The following CMSS1 variants were observed in gnomAD, a reference collection of about 807,000 sequenced individuals.
CMSS1 encodes the protein cms1 ribosomal small subunit homolog, also known as protein CMSS1.
Under a neutral mutation model 43.5 loss-of-function variants are expected in CMSS1, and 33 were observed. That is an observed-to-expected ratio of 0.76 (90% CI 0.57 to 1.01). CMSS1 has a LOEUF of 1.01. Ranked by LOEUF, CMSS1 falls within the 50% of genes least tolerant of loss-of-function variation. CMSS1 has a pLI of 0.00. For missense variants in CMSS1, 313 were observed against 326.4 expected (o/e 0.96, Z 0.32); for synonymous variants, 115 against 117.2 (o/e 0.98, Z 0.12).
At chr3:100,170,934 C>T (rs944135696) in intron 6 of CMSS1, among the ~76,000 whole-genome samples, 3 of 152,142 alleles carry the variant, frequency 2.0e-5, no homozygotes, top group African/African-American at 7.2e-5. Flanking sequence ...GTGACTTGCC[C>T]ATATTTAAAA....
At chr3:100,062,847 TC>T (rs1052436306) in intron 1 of CMSS1, among the ~76,000 whole-genome samples, 4 of 152,172 alleles carry the variant, frequency 2.6e-5, no homozygotes, top group African/African-American at 9.7e-5. Flanking sequence ...TGATGACTAG[TC>T]CCCCAACTCT....
intron 1 of CMSS1, among the ~76,000 whole-genome samples, chr3:100,020,447 A>C (rs1304002534): frequency 6.6e-6 from 1 of 152,174 alleles, no homozygotes; most frequent in African/African-American, 2.4e-5. Context: ...AAGAAAATAC[A>C]TGCTGTCAGC....
intron 1 of CMSS1, among the ~76,000 whole-genome samples, chr3:100,023,984 A>G (rs927273165): frequency 2.0e-5 from 3 of 152,190 alleles, no homozygotes; most frequent in Non-Finnish European, 4.4e-5. Flanking sequence ...CCAACCTATG[A>G]TTCTCAGTAG....
chr3:99,875,817 T>G (rs757320202), intron 1 of CMSS1, among the ~76,000 whole-genome samples: 2 of 152,226 alleles, frequency 1.3e-5, no homozygotes, highest in Non-Finnish European at 2.9e-5. Flanking sequence ...AAAGCGTATG[T>G]AATACAGTCA....
At chr3:100,165,347 T>TTGTTA (rs1259858297) in intron 4 of CMSS1, among the ~76,000 whole-genome samples, 1 of 152,182 alleles carries the variant, frequency 6.6e-6, no homozygotes, top group African/African-American at 2.4e-5. Context: ...TTTTATTGTA[T>TTGTTA]TGTTATGTTG....
intron 1 of CMSS1, among the ~76,000 whole-genome samples, chr3:100,129,982 AT>A (rs2066693476): frequency 6.6e-6 from 1 of 151,998 alleles, no homozygotes; most frequent in South Asian, 2.1e-4. Flanking sequence ...ATGACTCTGT[AT>A]ATATTCTTTT....
chr3:99,832,259 C>A (rs1242256843), intron 1 of CMSS1, among the ~76,000 whole-genome samples: 1 of 144,652 alleles, frequency 6.9e-6, no homozygotes, highest in Non-Finnish European at 1.5e-5. Flanking sequence ...GAGACGGAGT[C>A]TCGCTGTATC....
At chr3:100,147,087 C>T (rs376253979) in intron 2 of CMSS1, 26 bp downstream of exon 2, 2 of 1,611,888 alleles carry the variant, frequency 1.2e-6, no homozygotes, top group East Asian at 2.2e-5. Flanking sequence ...GGGAGAGCCA[C>T]CACTGTTAAA....
intron 1 of CMSS1, among the ~76,000 whole-genome samples, chr3:99,916,754 C>G (rs1041757542): frequency 3.9e-5 from 6 of 152,074 alleles, no homozygotes; most frequent in Admixed American, 2.6e-4. Flanking sequence ...TGTTCTAACT[C>G]GAGTCTATGC....
At chr3:99,929,264 G>T (rs545224459) in intron 1 of CMSS1, among the ~76,000 whole-genome samples, 5 of 152,172 alleles carry the variant, frequency 3.3e-5, no homozygotes, top group Non-Finnish European at 5.9e-5. Context: ...CACCTTTGCC[G>T]TTGTAATTGC....
At chr3:99,933,897 C>A (rs1353936109) in intron 1 of CMSS1, among the ~76,000 whole-genome samples, 1 of 152,122 alleles carries the variant, frequency 6.6e-6, no homozygotes, top group Non-Finnish European at 1.5e-5. Flanking sequence ...AACAAACAAC[C>A]CCAAAACTTG....
At chr3:99,983,404 A>G (rs1440209552) in intron 1 of CMSS1, among the ~76,000 whole-genome samples, 3 of 110,550 alleles carry the variant, frequency 2.7e-5, no homozygotes, top group African/African-American at 1.1e-4. Context: ...ATATATATAT[A>G]TATATATATA....
chr3:100,088,518 T>C (rs2066050969), intron 1 of CMSS1, among the ~76,000 whole-genome samples: 1 of 152,246 alleles, frequency 6.6e-6, no homozygotes, highest in South Asian at 2.1e-4. Context: ...TTGTAGGAAA[T>C]GAATATTCTG....
chr3:100,144,584 CACCCTGTCA>C (rs2066832161), intron 1 of CMSS1, among the ~76,000 whole-genome samples: 1 of 152,218 alleles, frequency 6.6e-6, no homozygotes, highest in Non-Finnish European at 1.5e-5. Context: ...TGCCTCATTA[CACCCTGTCA>C]AGGGTGGAAG....
intron 1 of CMSS1, chr3:99,930,719 A>T (rs1437315506): frequency 6.3e-7 from 1 of 1,595,704 alleles, no homozygotes; most frequent in South Asian, 1.1e-5. Flanking sequence ...CCAAATTCAC[A>T]AGCAGCCTTC....
rs140186560 is a variant in CMSS1 at position 100,038,857 on chromosome 3, G to A, written c.65-108116G>A. On this transcript the variant is annotated intron_variant, in intron 1 of 9. Coordinates refer to ENST00000421999, the MANE Select transcript of CMSS1 (RefSeq NM_032359.4). ...CCAGATGTATTGTTAAGTCCAAAAGGCACAGTACAGAACATATTGTCTATA... is the reference window on the plus strand; with the variant it reads ...CCAGATGTATTGTTAAGTCCAAAAGACACAGTACAGAACATATTGTCTATA... Among the ~76,000 whole-genome samples, 1,091 of 152,136 alleles carry A rather than the reference G, an allele frequency of 7.2e-3. 4 individuals carry two copies. The highest frequency in any genetic ancestry group is 9.9e-3 in the African/African-American group (412 of 41,510).
chr3:100,141,429 G>A, intron 1 of CMSS1: 1 of 359,844 alleles, frequency 2.8e-6, no homozygotes, highest in Non-Finnish European at 5.5e-6. Flanking sequence ...ATTCTGAGTG[G>A]AAACAGACAA....
intron 1 of CMSS1, among the ~76,000 whole-genome samples, chr3:100,033,653 G>A (rs150520094): frequency 1.4e-3 from 208 of 152,214 alleles, no homozygotes; most frequent in African/African-American, 4.6e-3. Flanking sequence ...TAAATGGTCA[G>A]TAGGAAATTA....
At chr3:100,118,230 A>G (rs2066592153) in intron 1 of CMSS1, among the ~76,000 whole-genome samples, 1 of 151,810 alleles carries the variant, frequency 6.6e-6, no homozygotes, top group Non-Finnish European at 1.5e-5. Context: ...AAGGGTTAAA[A>G]TGGTAATATG....
Sources: allele counts gnomAD v4.1 joint callset (sites outside exome capture counted in the v4.1 genomes callset), GRCh38; gene constraint gnomAD v4.1.1; transcripts MANE v1.5; gene names NCBI Gene and HGNC (gene_info 2026-07-23, HGNC 2026-07-21).